Variants in CAST observed in about 807,000 individuals in gnomAD.
The protein encoded by CAST is calpastatin.
A neutral mutation model predicts 119.6 loss-of-function variants in CAST; 76 were observed. The observed-to-expected ratio is 0.64, with a 90% CI of 0.53 to 0.77. The LOEUF is 0.77. CAST is among the 30% of genes least tolerant of loss of function. The pLI is 0.00. For synonymous variants in CAST, 319 were observed against 331.6 expected, an observed-to-expected ratio of 0.96 and a Z score of 0.41; for missense variants, 953 against 946.5, an observed-to-expected ratio of 1.01 and a Z score of -0.09.
chr5:96,552,956 T>A (rs1194904706), intron 1 of CAST, among the ~76,000 whole-genome samples: 1 of 152,162 alleles, frequency 6.6e-6, no homozygotes, highest in Non-Finnish European at 1.5e-5. Context: ...ACCAGACCGA[T>A]TCACAGCTGA....
At chr5:96,146,295 G>A in the CAST span, among the ~76,000 whole-genome samples, 4 of 152,242 alleles carry the variant, frequency 2.6e-5, no homozygotes, top group Non-Finnish European at 4.4e-5. Context: ...AGCTGCATGA[G>A]AATCACATTC....
chr5:96,329,769 T>G, the CAST span, among the ~76,000 whole-genome samples: 1 of 152,242 alleles, frequency 6.6e-6, no homozygotes, highest in Admixed American at 6.5e-5. Context: ...TCCTGTGGCA[T>G]TAGCTATTCT....
chr5:96,410,095 G>A, the CAST span, among the ~76,000 whole-genome samples: 412 of 152,146 alleles, frequency 2.7e-3, 12 homozygotes, highest in East Asian at 0.047. Context: ...TAAATTAAAG[G>A]TGTCTCCCTT....
At chr5:96,301,216 A>G in the CAST span, among the ~76,000 whole-genome samples, 1 of 152,140 alleles carries the variant, frequency 6.6e-6, no homozygotes, top group African/African-American at 2.4e-5. Context: ...ACTTTTAAAC[A>G]ACCAGATCTT....
intron 1 of CAST, among the ~76,000 whole-genome samples, chr5:96,642,000 G>A (rs1170807569): frequency 6.6e-6 from 1 of 152,158 alleles, no homozygotes; most frequent in African/African-American, 2.4e-5. Flanking sequence ...TACTGCAATC[G>A]AAAATGCCTG....
chr5:95,963,828 A>T, the CAST span, among the ~76,000 whole-genome samples: 3 of 150,998 alleles, frequency 2.0e-5, no homozygotes, highest in Non-Finnish European at 4.4e-5. Context: ...AACAAGTAAA[A>T]CCTGTATCCC....
At chr5:96,662,348 G>GCAGGACTCCCCGC (rs1473657128), upstream of CAST, 21 of 1,067,680 alleles carry the variant, frequency 2.0e-5, no homozygotes, top group East Asian at 9.4e-4. Flanking sequence ...TCTCTCCCTG[G>GCAGGACTCCCCGC]CAGGACTCCC....
At chr5:96,253,916 C>T in the CAST span, among the ~76,000 whole-genome samples, 1 of 151,742 alleles carries the variant, frequency 6.6e-6, no homozygotes, top group Non-Finnish European at 1.5e-5. Flanking sequence ...ATTTTATCTA[C>T]CTCTAGCATT....
chr5:96,690,327 G>T (rs1752584642), intron 2 of CAST, among the ~76,000 whole-genome samples: 2 of 152,056 alleles, frequency 1.3e-5, no homozygotes, highest in African/African-American at 4.8e-5. Context: ...CATCTCCCAG[G>T]TTCAGGCGAT....
chr5:96,152,673 C>A, the CAST span, among the ~76,000 whole-genome samples: 1 of 152,252 alleles, frequency 6.6e-6, no homozygotes, highest in South Asian at 2.1e-4. Flanking sequence ...GAGATTTCCA[C>A]ATCTCTAGCT....
chr5:96,423,359 A>T, the CAST span: 1 of 1,613,642 alleles, frequency 6.2e-7, no homozygotes, highest in Non-Finnish European at 8.5e-7. Flanking sequence ...ACCATCATCC[A>T]GTACGGTGAT....
At chr5:96,434,840 C>T in the CAST span, among the ~76,000 whole-genome samples, 1 of 152,130 alleles carries the variant, frequency 6.6e-6, no homozygotes, top group Non-Finnish European at 1.5e-5. Flanking sequence ...GAAATGTGCA[C>T]TACATAATTT....
the CAST span, among the ~76,000 whole-genome samples, chr5:96,493,723 C>T: frequency 6.6e-6 from 1 of 152,134 alleles, no homozygotes; most frequent in Non-Finnish European, 1.5e-5. Context: ...AACATGCCTG[C>T]TCTTTCTCTT....
the CAST span, among the ~76,000 whole-genome samples, chr5:95,983,028 TAA>T: frequency 6.6e-6 from 1 of 152,186 alleles, no homozygotes; most frequent in Non-Finnish European, 1.5e-5. Context: ...CAAGATGTAT[TAA>T]GTTAAAAATA....
the CAST span, among the ~76,000 whole-genome samples, chr5:96,490,268 A>G: frequency 6.6e-6 from 1 of 152,054 alleles, no homozygotes; most frequent in Non-Finnish European, 1.5e-5. Context: ...AAAGAACCCA[A>G]CTGGCCCCTA....
intron 1 of CAST, among the ~76,000 whole-genome samples, chr5:96,641,503 G>A (rs1017712825): frequency 4.6e-5 from 7 of 152,228 alleles, no homozygotes; most frequent in South Asian, 2.1e-4. Context: ...ACTAACTAGC[G>A]CCATGTGAAT....
At chr5:96,151,475 A>G in the CAST span, among the ~76,000 whole-genome samples, 2 of 152,210 alleles carry the variant, frequency 1.3e-5, no homozygotes, top group Admixed American at 6.5e-5. Context: ...ATCTCTAAAA[A>G]ATTAATAAGC....
chr5:96,570,576 G>A (rs188025519), intron 1 of CAST, among the ~76,000 whole-genome samples: 5 of 152,166 alleles, frequency 3.3e-5, no homozygotes, highest in East Asian at 3.9e-4. Context: ...ACATTTGAGC[G>A]GATTCCTTTC....
the CAST span, among the ~76,000 whole-genome samples, chr5:96,099,127 C>A: frequency 6.6e-6 from 1 of 152,102 alleles, no homozygotes; most frequent in East Asian, 1.9e-4. Context: ...CTTGGCCGGA[C>A]TGTTGTTGGT....
Sources: gnomAD v4.1 joint callset for allele counts (sites outside exome capture counted in the v4.1 genomes callset) on GRCh38, gnomAD v4.1.1 for gene constraint, MANE v1.5 for transcripts, NCBI Gene and HGNC (gene_info 2026-07-23, HGNC 2026-07-21) for gene names.